The following UTRN variants were observed in gnomAD, a reference collection of about 807,000 sequenced individuals.
The protein encoded by UTRN is utrophin, also known as dystrophin-related protein 1.
In UTRN, 283 loss-of-function variants were observed where a neutral mutation model predicts 463.9. That is an observed-to-expected ratio of 0.61 (90% CI 0.55 to 0.67). The LOEUF (loss-of-function observed/expected upper bound fraction) is 0.67, where lower values mean the gene tolerates loss of function less well. UTRN is among the 30% of genes least tolerant of loss of function. The pLI, the probability that UTRN is intolerant of heterozygous loss-of-function variation, is 0.00. For synonymous variants in UTRN, 1,442 were observed against 1,431.5 expected, an observed-to-expected ratio of 1.01 and a Z score of -0.17; for missense variants, 3,922 against 4,084.3, an observed-to-expected ratio of 0.96 and a Z score of 1.08.
At position 144,482,269 on chromosome 6, in the gene UTRN, A is replaced by G; in HGVS notation, c.3568A>G (p.Lys1190Glu). 1 of 1,608,666 alleles carries G rather than the reference A, an allele frequency of 6.2e-7. No individual in the cohort carries two copies. ...VRVKILKDNI[K>E]LLAAKVPSGG... is the part of the protein sequence containing the mutation. ...AGTGAAGATTCTCAAGGACAACATC[A>G]AGTTATTAGCTGCCAAGGTGCCCTC... Residue 1190 changes from lysine (K) to glutamate (E), a missense_variant, in exon 27 of 75, where the codon AAG becomes GAG. Lys to Glu is a moderately conservative substitution (Grantham distance 56). Transcript: ENST00000367545.
chr6:144,314,352 C>T (rs548655518), intron 2 of UTRN, among the ~76,000 whole-genome samples: 1 of 152,318 alleles, frequency 6.6e-6, no homozygotes, highest in African/African-American at 2.4e-5. Context: ...CCCATCCACT[C>T]CCTAGAGCTG....
At position 144,473,714 on chromosome 6, in the gene UTRN, G is replaced by T. The variant is rs377129829; in HGVS notation, c.3067-6G>T. 1.9e-6 allele frequency: 3 copies of T among 1,612,774 alleles called. No individual in the cohort carries two copies. The highest frequency in any genetic ancestry group is 2.5e-6 in the Non-Finnish European group (3 of 1,178,934). Reference sequence around the variant, plus strand: ...AATATCCCCCTCTGTTATCATGTTCGATTAGGCCGATTCAACAGTCATTGA... The same window carrying T: ...AATATCCCCCTCTGTTATCATGTTCTATTAGGCCGATTCAACAGTCATTGA... On this transcript the variant is annotated splice_polypyrimidine_tract_variant and splice_region_variant and intron_variant, in intron 23 of 74. Coordinates refer to ENST00000367545, the MANE Select transcript of UTRN (RefSeq NM_007124.3).
rs768017273 is a variant in UTRN at position 144,554,683 on chromosome 6, C to T, written c.6929-5C>T. 19 of 1,613,562 alleles carry T rather than the reference C, an allele frequency of 1.2e-5. No individual in the cohort carries two copies. In the Admixed American group the frequency reaches 2.7e-4, roughly 23 times the overall value. ...TTTTTTTTTCTTTTATAATGCTACC[C>T]TCAGTGGAAAGGGTCAAGAACCAGT... is the stretch of plus-strand genomic sequence containing the variant. On this transcript the variant is annotated splice_region_variant and splice_polypyrimidine_tract_variant and intron_variant, in intron 48 of 74. Coordinates refer to ENST00000367545, the MANE Select transcript of UTRN (RefSeq NM_007124.3).
intron 51 of UTRN, among the ~76,000 whole-genome samples, chr6:144,676,746 A>T (rs1781641116): frequency 6.6e-6 from 1 of 152,146 alleles, no homozygotes; most frequent in Admixed American, 6.5e-5. Context: ...CTTAAAGATG[A>T]TGAACTTGTA....
At chr6:144,610,269 C>T (rs1805353123) in intron 51 of UTRN, among the ~76,000 whole-genome samples, 1 of 147,592 alleles carries the variant, frequency 6.8e-6, no homozygotes, top group South Asian at 2.1e-4. Context: ...TCCCAAAATA[C>T]AAAGGATCAT....
intron 2 of UTRN, among the ~76,000 whole-genome samples, chr6:144,394,248 T>G (rs902231951): frequency 6.6e-6 from 1 of 152,160 alleles, no homozygotes; most frequent in Non-Finnish European, 1.5e-5. Context: ...AATAAAGATA[T>G]GCTGGAGACT....
chr6:144,748,022 AG>A, intron 54 of UTRN, among the ~76,000 whole-genome samples: 1 of 152,292 alleles, frequency 6.6e-6, no homozygotes, highest in South Asian at 2.1e-4. Flanking sequence ...TATTAATCTC[AG>A]TAACTGTTTT....
rs747525725 is a variant in UTRN, at chr6:144,730,407, C to T, written c.7860C>T (p.Val2620=). Residue 2620 remains valine, a synonymous_variant, in exon 54 of 75, where the codon GTC becomes GTT. Transcript: ENST00000367545. Reference sequence around the variant, plus strand: ...AAGAATATTCTGTCCTGAATGCTGTCGACCAGGCCCGAGTTTTCTTGGCTG... The same window carrying T: ...AAGAATATTCTGTCCTGAATGCTGTTGACCAGGCCCGAGTTTTCTTGGCTG... ...KEKEYSVLNA[V]DQARVFLADQ... is the part of the protein sequence containing the mutation. The T allele has an allele frequency of 2.5e-6, 4 of 1,612,106 alleles. No homozygotes were observed. Among genetic ancestry groups the T allele is most frequent in the African/African-American group, 1.3e-5 (1 of 74,846 alleles).
intron 51 of UTRN, among the ~76,000 whole-genome samples, chr6:144,655,230 A>T (rs753815624): frequency 2.0e-4 from 31 of 152,222 alleles, no homozygotes; most frequent in Non-Finnish European, 4.0e-4. Context: ...TTAGGGCTGT[A>T]TATTACCTTA....
chr6:144,674,406 G>GT (rs536049361), intron 51 of UTRN, among the ~76,000 whole-genome samples: 44 of 145,776 alleles, frequency 3.0e-4, no homozygotes, highest in East Asian at 1.0e-3. Flanking sequence ...GAGCTCTAAA[G>GT]TTTTTTTTTT....
chr6:144,770,061 G>T (rs571111476), intron 58 of UTRN, among the ~76,000 whole-genome samples: 2 of 152,166 alleles, frequency 1.3e-5, no homozygotes, highest in Non-Finnish European at 2.9e-5. Context: ...GGTTTTGTTG[G>T]TGTTCAGTAG....
chr6:144,789,896 A>G (rs549885191), intron 62 of UTRN, among the ~76,000 whole-genome samples: 2 of 152,322 alleles, frequency 1.3e-5, no homozygotes, highest in South Asian at 2.1e-4. Flanking sequence ...AATGAAAGGT[A>G]TATTGGCTTT....
chr6:144,342,729 C>T (rs955775785), intron 2 of UTRN, among the ~76,000 whole-genome samples: 2 of 151,886 alleles, frequency 1.3e-5, no homozygotes, highest in African/African-American at 2.4e-5. Context: ...GGATGGGGGT[C>T]GATTGTGGTG....
intron 2 of UTRN, among the ~76,000 whole-genome samples, chr6:144,317,705 G>T (rs1775373476): frequency 6.6e-6 from 1 of 152,092 alleles, no homozygotes; most frequent in African/African-American, 2.4e-5. Context: ...CCCCAATCTG[G>T]TATCTTGATA....
At chr6:144,769,855 T>C (rs1055630045) in intron 58 of UTRN, among the ~76,000 whole-genome samples, 25 of 152,094 alleles carry the variant, frequency 1.6e-4, no homozygotes, top group Admixed American at 1.6e-3. Context: ...CTTACTGGAA[T>C]TGCATTACCT....
At chr6:144,665,652 A>G (rs1164538367) in intron 51 of UTRN, among the ~76,000 whole-genome samples, 2 of 152,228 alleles carry the variant, frequency 1.3e-5, no homozygotes, top group Non-Finnish European at 2.9e-5. Flanking sequence ...TGATCTGAAT[A>G]GTGGGTGTTG....
At chr6:144,657,855 C>G (rs547032350) in intron 51 of UTRN, among the ~76,000 whole-genome samples, 6 of 152,154 alleles carry the variant, frequency 3.9e-5, no homozygotes, top group Non-Finnish European at 5.9e-5. Context: ...AAAGATTGTT[C>G]TTTTTCTCTC....
intron 41 of UTRN, among the ~76,000 whole-genome samples, chr6:144,528,645 T>C (rs1585134319): frequency 6.6e-6 from 1 of 152,340 alleles, no homozygotes; most frequent in South Asian, 2.1e-4. Flanking sequence ...TGTGATGTGA[T>C]GTGATCTGTC....
intron 53 of UTRN, among the ~76,000 whole-genome samples, chr6:144,713,592 C>A (rs1273237794): frequency 1.1e-4 from 15 of 134,434 alleles, no homozygotes; most frequent in East Asian, 4.5e-4. Flanking sequence ...CCAGCCTGGG[C>A]AACAAGAGCG....
Sources: allele counts gnomAD v4.1 joint callset (sites outside exome capture counted in the v4.1 genomes callset), GRCh38; gene constraint gnomAD v4.1.1; transcripts MANE v1.5; gene names NCBI Gene and HGNC (gene_info 2026-07-23, HGNC 2026-07-21).